Variants in LINGO2 observed in about 807,000 individuals in gnomAD.
LINGO2 encodes the protein leucine rich repeat and Ig domain containing 2, also known as leucine-rich repeat and immunoglobulin-like domain-containing nogo receptor-interacting protein 2.
A neutral mutation model predicts 30.6 loss-of-function variants in LINGO2; 14 were observed. The ratio of observed to expected loss-of-function variants is 0.46; its 90% CI spans 0.30 to 0.72. The LOEUF is 0.72. Among genes scored for constraint, LINGO2 ranks in the 30% least tolerant of loss-of-function variants. The probability of loss-of-function intolerance (pLI) is 0.07; values close to 1 mark genes in which losing one functional copy is unlikely to be tolerated. For missense variants in LINGO2, 729 were observed against 751.7 expected, an observed-to-expected ratio of 0.97 and a Z score of 0.35; for synonymous variants, 317 against 288.5, an observed-to-expected ratio of 1.10 and a Z score of -1.00.
At chr9:28,669,295 T>A (rs1828925309) in intron 1 of LINGO2, among the ~76,000 whole-genome samples, 1 of 152,126 alleles carries the variant, frequency 6.6e-6, no homozygotes, top group Non-Finnish European at 1.5e-5. Flanking sequence ...TATTCCCTTT[T>A]TAGAAAACTT....
intron 1 of LINGO2, among the ~76,000 whole-genome samples, chr9:28,483,267 T>C (rs1405795213): frequency 6.6e-6 from 1 of 152,122 alleles, no homozygotes. Flanking sequence ...CAATGGACTA[T>C]CTGCTGATAA....
At chr9:28,550,465 A>C (rs1238212770) in intron 1 of LINGO2, among the ~76,000 whole-genome samples, 1 of 151,764 alleles carries the variant, frequency 6.6e-6, no homozygotes, top group African/African-American at 2.4e-5. Context: ...AATTATTTCC[A>C]AGCATGCCTT....
intron 1 of LINGO2, among the ~76,000 whole-genome samples, chr9:28,485,384 T>A (rs968610916): frequency 7.2e-5 from 11 of 152,086 alleles, no homozygotes; most frequent in African/African-American, 2.7e-4. Context: ...TACAGTCTAG[T>A]TATGTAGATA....
chr9:28,912,222 A>G, the LINGO2 span, among the ~76,000 whole-genome samples: 14 of 152,088 alleles, frequency 9.2e-5, no homozygotes, highest in Admixed American at 2.0e-4. Flanking sequence ...AAAAATGAAA[A>G]CCTGGAAGTG....
the LINGO2 span, among the ~76,000 whole-genome samples, chr9:29,052,513 G>A: frequency 2.0e-5 from 3 of 152,146 alleles, no homozygotes; most frequent in Non-Finnish European, 4.4e-5. Context: ...TTTATTTTCA[G>A]AAATCTACTT....
the LINGO2 span, among the ~76,000 whole-genome samples, chr9:29,111,561 TA>T: frequency 6.6e-6 from 1 of 151,922 alleles, no homozygotes; most frequent in Non-Finnish European, 1.5e-5. Context: ...GCTGCTAAAC[TA>T]AACAGTTTTT....
intron 1 of LINGO2, among the ~76,000 whole-genome samples, chr9:28,647,359 TA>T (rs1020794034): frequency 6.6e-6 from 1 of 152,130 alleles, no homozygotes; most frequent in African/African-American, 2.4e-5. Context: ...TATATCCTTT[TA>T]TTTCCTTCTA....
At chr9:27,943,140 T>C (rs916319553), downstream of LINGO2, 2 of 152,194 alleles carry the variant, frequency 1.3e-5, no homozygotes, top group African/African-American at 4.8e-5. Flanking sequence ...TTTTACTCAA[T>C]ATATTGCAGT....
intron 3 of LINGO2, among the ~76,000 whole-genome samples, chr9:28,298,680 T>C (rs1012294839): frequency 5.0e-5 from 7 of 139,210 alleles, no homozygotes; most frequent in African/African-American, 1.8e-4. Flanking sequence ...CAAAACTCTG[T>C]CTCAAAAAAA....
At chr9:28,433,444 G>A (rs1055991297) in intron 2 of LINGO2, among the ~76,000 whole-genome samples, 1 of 152,086 alleles carries the variant, frequency 6.6e-6, no homozygotes, top group Non-Finnish European at 1.5e-5. Flanking sequence ...CCTCTACTTA[G>A]GGACATGCAA....
chr9:28,424,371 T>C (rs993798377), intron 2 of LINGO2, among the ~76,000 whole-genome samples: 3 of 152,080 alleles, frequency 2.0e-5, no homozygotes, highest in African/African-American at 7.2e-5. Flanking sequence ...TGCTGGAGAA[T>C]AGACAAAATG....
chr9:28,577,560 C>T (rs1338449506), intron 1 of LINGO2, among the ~76,000 whole-genome samples: 3 of 152,154 alleles, frequency 2.0e-5, no homozygotes, highest in Non-Finnish European at 4.4e-5. Flanking sequence ...AAACTCCAGT[C>T]TCCCATTTAG....
At chr9:28,636,796 C>A (rs1367956939) in intron 1 of LINGO2, among the ~76,000 whole-genome samples, 1 of 152,102 alleles carries the variant, frequency 6.6e-6, no homozygotes, top group East Asian at 1.9e-4. Context: ...ATGTTAGTTT[C>A]TTTTGCTGTG....
chr9:28,509,856 A>G (rs373933392), intron 1 of LINGO2, among the ~76,000 whole-genome samples: 57 of 152,380 alleles, frequency 3.7e-4, no homozygotes, highest in African/African-American at 1.3e-3. Flanking sequence ...AGACTAATAC[A>G]TGTATAGTCT....
At chr9:28,601,365 C>T (rs1202147986) in intron 1 of LINGO2, among the ~76,000 whole-genome samples, 2 of 152,200 alleles carry the variant, frequency 1.3e-5, no homozygotes, top group South Asian at 2.1e-4. Context: ...CAGCCAGGTG[C>T]CCGCAAATCC....
At chr9:29,133,937 T>C in the LINGO2 span, among the ~76,000 whole-genome samples, 1 of 152,242 alleles carries the variant, frequency 6.6e-6, no homozygotes, top group Middle Eastern at 3.4e-3. Flanking sequence ...ACCTCCCTCC[T>C]TCCCTCACTA....
chr9:29,076,317 G>A, the LINGO2 span, among the ~76,000 whole-genome samples: 1 of 151,874 alleles, frequency 6.6e-6, no homozygotes, highest in Non-Finnish European at 1.5e-5. Context: ...GGGACAGGGA[G>A]AGCACACTTG....
the LINGO2 span, among the ~76,000 whole-genome samples, chr9:28,983,700 C>T: frequency 2.0e-5 from 3 of 151,920 alleles, no homozygotes; most frequent in Middle Eastern, 3.4e-3. Context: ...GGGAGGGTAA[C>T]GATTGCATCC....
the LINGO2 span, among the ~76,000 whole-genome samples, chr9:28,704,817 G>A: frequency 6.6e-6 from 1 of 152,098 alleles, no homozygotes; most frequent in East Asian, 1.9e-4. Context: ...TTGTCTTAAT[G>A]TTGTTCTTTA....
Sources: gnomAD v4.1 joint callset for allele counts (sites outside exome capture counted in the v4.1 genomes callset) on GRCh38, gnomAD v4.1.1 for gene constraint, MANE v1.5 for transcripts, NCBI Gene and HGNC (gene_info 2026-07-23, HGNC 2026-07-21) for gene names.